The following RAD51B variants were observed in gnomAD, a reference collection of about 807,000 sequenced individuals.
RAD51B encodes DNA repair protein RAD51 homolog 2.
Under a neutral mutation model 42.2 loss-of-function variants are expected in RAD51B, and 38 were observed. That is an observed-to-expected ratio of 0.90 (90% CI 0.70 to 1.18). The LOEUF (loss-of-function observed/expected upper bound fraction) is 1.18, where lower values mean the gene tolerates loss of function less well. Ranked by LOEUF, RAD51B falls within the 50% of genes most tolerant of loss-of-function variation. The pLI, the probability that RAD51B is intolerant of heterozygous loss-of-function variation, is 0.00. For missense variants in RAD51B, 373 were observed against 400.7 expected, an observed-to-expected ratio of 0.93 and a Z score of 0.59; for synonymous variants, 154 against 145.2, an observed-to-expected ratio of 1.06 and a Z score of -0.43.
At chr14:68,496,471 G>A (rs1415605586) in intron 10 of RAD51B, among the ~76,000 whole-genome samples, 3 of 152,164 alleles carry the variant, frequency 2.0e-5, no homozygotes, top group African/African-American at 7.2e-5. Flanking sequence ...TTAACACTGG[G>A]GTCCACTGTC....
At position 67,828,715 on chromosome 14, in the gene RAD51B, G is replaced by C. The variant is rs145352165; in HGVS notation, c.198+3138G>C. Among the ~76,000 whole-genome samples the C allele has an allele frequency of 6.4e-4, 97 of 152,240 alleles. 1 individual carries two copies. Among genetic ancestry groups the C allele is most frequent in the African/African-American group, 2.3e-3 (94 of 41,532 alleles). ...TTCAGTTTCCTCATATGGCTAGTCA[G>C]TTCTCCCAGCATCATTTGTTAAATA... On this transcript the variant is annotated intron_variant, in intron 3 of 10. Coordinates refer to ENST00000471583, the MANE Select transcript of RAD51B (RefSeq NM_133510.4).
chr14:68,108,193 TA>T (rs112746504), intron 7 of RAD51B, among the ~76,000 whole-genome samples: 2,213 of 151,306 alleles, frequency 0.015, 56 homozygotes, highest in African/African-American at 0.05. Context: ...GGTAAGAATA[TA>T]AAAAAAATGG....
intron 10 of RAD51B, among the ~76,000 whole-genome samples, chr14:68,634,106 C>T (rs1286478091): frequency 6.6e-6 from 1 of 152,178 alleles, no homozygotes; most frequent in Non-Finnish European, 1.5e-5. Flanking sequence ...CTCCTGCCAT[C>T]AGCTCTTCCT....
intron 10 of RAD51B, among the ~76,000 whole-genome samples, chr14:68,539,828 G>A (rs1204458214): frequency 6.6e-6 from 1 of 152,192 alleles, no homozygotes; most frequent in African/African-American, 2.4e-5. Context: ...TTTGGGGAAG[G>A]GGTGAGAAAG....
At chr14:67,833,582 G>A (rs946463445) in intron 3 of RAD51B, among the ~76,000 whole-genome samples, 3 of 152,190 alleles carry the variant, frequency 2.0e-5, no homozygotes, top group African/African-American at 7.2e-5. Flanking sequence ...GGCAGGGAGT[G>A]TCTACAGTGT....
At chr14:67,900,640 C>T (rs2043581685) in intron 7 of RAD51B, among the ~76,000 whole-genome samples, 1 of 148,218 alleles carries the variant, frequency 6.7e-6, no homozygotes, top group Non-Finnish European at 1.5e-5. Flanking sequence ...CACACACACA[C>T]ACACACATAA....
At chr14:68,253,384 G>A (rs1475077086) in intron 7 of RAD51B, among the ~76,000 whole-genome samples, 1 of 151,908 alleles carries the variant, frequency 6.6e-6, no homozygotes, top group Non-Finnish European at 1.5e-5. Flanking sequence ...TTTTGTGAAT[G>A]TTTGTTTAGT....
In RAD51B at chr14:68,070,569, T is replaced by G. The variant is rs757526319; in HGVS notation, c.756+183365T>G. On this transcript the variant is annotated intron_variant, in intron 7 of 10. Transcript: ENST00000471583. ...CCATTGCTTGTTTTTATTGACTCTG[T>G]TGAAGATCAGCTAGTTGTAGGTGTG... 2.6e-5 allele frequency among the ~76,000 whole-genome samples: 4 copies of G among 152,224 alleles called. No homozygotes were observed. In the East Asian group the frequency reaches 7.7e-4, roughly 29 times the overall value.
intron 7 of RAD51B, among the ~76,000 whole-genome samples, chr14:67,943,189 A>G (rs1280142411): frequency 6.6e-6 from 1 of 152,190 alleles, no homozygotes; most frequent in African/African-American, 2.4e-5. Context: ...ATGTTTGTGT[A>G]CTAATAGTGT....
chr14:68,238,607 A>G (rs1003640648), intron 7 of RAD51B, among the ~76,000 whole-genome samples: 3 of 152,082 alleles, frequency 2.0e-5, no homozygotes, highest in Non-Finnish European at 4.4e-5. Context: ...GCCCAACCAT[A>G]TTTATTGCTT....
chr14:68,080,727 G>C (rs1057232064), intron 7 of RAD51B, among the ~76,000 whole-genome samples: 1 of 152,176 alleles, frequency 6.6e-6, no homozygotes, highest in African/African-American at 2.4e-5. Flanking sequence ...TTTCTCATCT[G>C]AAAAACAGAT....
chr14:67,975,122 C>T (rs2074967705), intron 7 of RAD51B, among the ~76,000 whole-genome samples: 1 of 152,108 alleles, frequency 6.6e-6, no homozygotes, highest in African/African-American at 2.4e-5. Flanking sequence ...TTTCTGTGGG[C>T]TAGTAATATC....
intron 7 of RAD51B, among the ~76,000 whole-genome samples, chr14:68,035,344 A>G (rs1202991990): frequency 6.6e-6 from 1 of 151,880 alleles, no homozygotes; most frequent in Non-Finnish European, 1.5e-5. Context: ...TAAAAGGAAA[A>G]TTAATTCCTA....
At chr14:68,617,112 C>T (rs1315734700) in intron 10 of RAD51B, among the ~76,000 whole-genome samples, 3 of 152,006 alleles carry the variant, frequency 2.0e-5, no homozygotes, top group Non-Finnish European at 4.4e-5. Context: ...TTTTCTGCTA[C>T]CTGGTGAGTC....
At chr14:67,894,063 A>C (rs2043324337) in intron 7 of RAD51B, among the ~76,000 whole-genome samples, 1 of 152,186 alleles carries the variant, frequency 6.6e-6, no homozygotes, top group African/African-American at 2.4e-5. Flanking sequence ...ATAAGTATTT[A>C]TCCCAGCTCT....
At chr14:67,966,024 C>T (rs924919485) in intron 7 of RAD51B, among the ~76,000 whole-genome samples, 4 of 152,146 alleles carry the variant, frequency 2.6e-5, no homozygotes, top group Non-Finnish European at 5.9e-5. Flanking sequence ...ATGAATGCCT[C>T]CTTCCTATTT....
intron 7 of RAD51B, among the ~76,000 whole-genome samples, chr14:67,957,171 C>G (rs1282776539): frequency 6.6e-6 from 1 of 152,186 alleles, no homozygotes; most frequent in Non-Finnish European, 1.5e-5. Flanking sequence ...AGGAAAAGTA[C>G]AGAAGCAACA....
At chr14:68,523,107 G>A (rs1414236038) in intron 10 of RAD51B, among the ~76,000 whole-genome samples, 1 of 152,158 alleles carries the variant, frequency 6.6e-6, no homozygotes, top group Non-Finnish European at 1.5e-5. Flanking sequence ...AATTTTTGTG[G>A]CCTGTGTTCC....
intron 10 of RAD51B, among the ~76,000 whole-genome samples, chr14:68,648,709 A>ACACACG (rs1892636660): frequency 2.0e-5 from 3 of 149,476 alleles, no homozygotes; most frequent in Admixed American, 6.7e-5. Flanking sequence ...ACACACACAC[A>ACACACG]CACACAGGGA....
Sources: gnomAD v4.1 joint callset for allele counts (sites outside exome capture counted in the v4.1 genomes callset) on GRCh38, gnomAD v4.1.1 for gene constraint, MANE v1.5 for transcripts, NCBI Gene and HGNC (gene_info 2026-07-23, HGNC 2026-07-21) for gene names.